Variants in NALCN observed in about 807,000 individuals in gnomAD.
NALCN encodes the protein sodium leak channel NALCN.
NALCN carries 111 observed loss-of-function variants against 225.3 expected under a neutral mutation model. The ratio of observed to expected loss-of-function variants is 0.49; its 90% CI spans 0.42 to 0.58. The LOEUF (loss-of-function observed/expected upper bound fraction) is 0.58. Ranked by LOEUF, NALCN falls within the 20% of genes least tolerant of loss-of-function variation. The probability of loss-of-function intolerance (pLI) is 0.00; values close to 1 mark genes in which losing one functional copy is unlikely to be tolerated. For synonymous variants in NALCN, 764 were observed against 769.0 expected, an observed-to-expected ratio of 0.99 and a Z score of 0.11; for missense variants, 1,378 against 2,202.4, an observed-to-expected ratio of 0.63 and a Z score of 7.49.
chr13:101,276,976 A>G (rs1007821622), intron 10 of NALCN, among the ~76,000 whole-genome samples: 1 of 152,148 alleles, frequency 6.6e-6, no homozygotes, highest in Non-Finnish European at 1.5e-5. Flanking sequence ...ATATATGTAT[A>G]TACACATATA....
intron 17 of NALCN, among the ~76,000 whole-genome samples, chr13:101,140,273 G>T (rs1476751351): frequency 2.6e-5 from 4 of 152,070 alleles, no homozygotes; most frequent in Non-Finnish European, 5.9e-5. Flanking sequence ...AGAGGGGCGG[G>T]CCACATTCTC....
At position 101,075,956 on chromosome 13, in the gene NALCN, G is replaced by A. The variant is rs749903609; in HGVS notation, c.3886-15C>T. 16 of 1,602,160 alleles carry A rather than the reference G, an allele frequency of 1.0e-5. No individual in the cohort carries two copies. The highest frequency in any genetic ancestry group is 6.8e-6 in the Non-Finnish European group (8 of 1,175,728). On this transcript the variant is annotated splice_polypyrimidine_tract_variant and intron_variant, in intron 34 of 43. Coordinates refer to ENST00000251127, the MANE Select transcript of NALCN (RefSeq NM_052867.4). The stretch of plus-strand genomic sequence containing the variant: ...GTATATGCATTCTGAAATTTAAACA[G>A]AAGACAGCTTCTCATAATTTGCACA...
At chr13:101,238,072 G>A in intron 11 of NALCN, 150 bp from the exon 12 acceptor site, 1 of 611,090 alleles carries the variant, frequency 1.6e-6, no homozygotes, top group African/African-American at 1.9e-5. Flanking sequence ...CTTTAAGAAT[G>A]CATTTGAAAC....
At chr13:101,212,188 C>T (rs2040549901) in intron 13 of NALCN, among the ~76,000 whole-genome samples, 1 of 151,988 alleles carries the variant, frequency 6.6e-6, no homozygotes, top group African/African-American at 2.4e-5. Context: ...AATGCCATGA[C>T]CCAAATCTCT....
chr13:101,114,425 T>TTCTCTC (rs10538126), intron 18 of NALCN, among the ~76,000 whole-genome samples: 18 of 147,536 alleles, frequency 1.2e-4, no homozygotes, highest in South Asian at 4.3e-4. Context: ...AGCATATTCA[T>TTCTCTC]TCTCTCTCTC....
chr13:101,065,060 G>A (rs9585612), intron 40 of NALCN, among the ~76,000 whole-genome samples: 10,462 of 152,242 alleles, frequency 0.069, 401 homozygotes, highest in South Asian at 0.11. Context: ...AAGTCACTCA[G>A]CTCTTCTGGG....
chr13:101,113,793 T>A (rs562381757), intron 18 of NALCN, among the ~76,000 whole-genome samples: 1 of 152,252 alleles, frequency 6.6e-6, no homozygotes, highest in Non-Finnish European at 1.5e-5. Flanking sequence ...TCCATGTTCC[T>A]ACAGTATGTT....
chr13:101,125,143 A>G (rs552575914), intron 17 of NALCN, among the ~76,000 whole-genome samples: 4 of 152,182 alleles, frequency 2.6e-5, no homozygotes, highest in African/African-American at 9.6e-5. Context: ...ATCTCTTCCT[A>G]GTTGGCGATG....
chr13:101,317,998 A>G (rs1359284023), intron 7 of NALCN, among the ~76,000 whole-genome samples: 1 of 152,166 alleles, frequency 6.6e-6, no homozygotes. Context: ...GTAGTATACA[A>G]AAGTACATTA....
chr13:101,348,378 G>A (rs1219264790), intron 6 of NALCN, among the ~76,000 whole-genome samples: 1 of 152,122 alleles, frequency 6.6e-6, no homozygotes, highest in African/African-American at 2.4e-5. Flanking sequence ...GTACTTGATA[G>A]ACAATCAATG....
At chr13:101,398,656 C>A (rs1019208326) in intron 2 of NALCN, among the ~76,000 whole-genome samples, 1 of 152,052 alleles carries the variant, frequency 6.6e-6, no homozygotes, top group Non-Finnish European at 1.5e-5. Flanking sequence ...TATTGTCTCA[C>A]GGATTCAGGA....
chr13:101,107,546 G>T lies in NALCN; in HGVS notation c.2520C>A (p.Val840=). ...AGTTTCTGAACCTGTGTTCTCGCCC[G>T]ACAATGAACAGTGGCTTATCGAAGT... The part of the protein sequence containing the change: ...HPYFDKPLFI[V]GREHRFRNFC... Residue 840 remains valine (V), a synonymous_variant, in exon 22 of 44, where the codon GTC becomes GTA. Transcript: ENST00000251127. 1.2e-6 allele frequency: 2 copies of T among 1,614,104 alleles called. No individual in the cohort carries two copies. Among genetic ancestry groups the T allele is most frequent in the Non-Finnish European group, 1.7e-6 (2 of 1,179,982 alleles).
chr13:101,397,587 TG>T (rs949399233), intron 2 of NALCN, among the ~76,000 whole-genome samples: 43 of 151,396 alleles, frequency 2.8e-4, no homozygotes, highest in African/African-American at 9.7e-4. Flanking sequence ...TATATGTGTA[TG>T]TGTAATGTGT....
chr13:101,280,604 G>A (rs2043134388), intron 10 of NALCN, among the ~76,000 whole-genome samples: 1 of 152,148 alleles, frequency 6.6e-6, no homozygotes, highest in African/African-American at 2.4e-5. Flanking sequence ...ATACGACTCT[G>A]ATTTGGCACT....
intron 3 of NALCN, among the ~76,000 whole-genome samples, chr13:101,393,220 C>T (rs943550387): frequency 7.9e-5 from 12 of 152,138 alleles, no homozygotes; most frequent in East Asian, 3.9e-4. Flanking sequence ...CCCATCTAAC[C>T]TCACTCTCAA....
intron 6 of NALCN, among the ~76,000 whole-genome samples, chr13:101,375,591 A>T (rs1353634555): frequency 1.3e-5 from 2 of 152,242 alleles, no homozygotes; most frequent in Non-Finnish European, 2.9e-5. Flanking sequence ...TATATTAAAA[A>T]TATTTTGAAG....
chr13:101,324,958 T>C (rs1482562758), intron 7 of NALCN, among the ~76,000 whole-genome samples: 8 of 152,156 alleles, frequency 5.3e-5, no homozygotes, highest in East Asian at 3.9e-4. Context: ...CCATCAATAC[T>C]TAATTTATTG....
chr13:101,317,677 G>C (rs117251738), intron 7 of NALCN, among the ~76,000 whole-genome samples: 1 of 152,038 alleles, frequency 6.6e-6, no homozygotes, highest in Non-Finnish European at 1.5e-5. Context: ...AAACATGGAC[G>C]CCCTCTCTTC....
intron 7 of NALCN, among the ~76,000 whole-genome samples, chr13:101,297,327 A>G (rs562028970): frequency 2.6e-5 from 4 of 152,348 alleles, no homozygotes; most frequent in Admixed American, 2.0e-4. Context: ...TTGGAGATGT[A>G]AGCCCGAGAC....
Sources: gnomAD v4.1 joint callset for allele counts (sites outside exome capture counted in the v4.1 genomes callset) on GRCh38, gnomAD v4.1.1 for gene constraint, MANE v1.5 for transcripts, NCBI Gene and HGNC (gene_info 2026-07-23, HGNC 2026-07-21) for gene names.